AOPEP: variants seen among roughly 807,000 people sequenced by gnomAD.
AOPEP encodes the protein aminopeptidase O (putative).
Under a neutral mutation model 98.1 loss-of-function variants are expected in AOPEP, and 77 were observed. That is an observed-to-expected ratio of 0.78 (90% CI 0.65 to 0.95). AOPEP has a LOEUF of 0.95. Among genes scored for constraint, AOPEP ranks in the 40% least tolerant of loss-of-function variants. AOPEP has a pLI of 0.00. For missense variants in AOPEP, 1,024 were observed against 1,024.7 expected, an observed-to-expected ratio of 1.00 and a Z score of 0.01; for synonymous variants, 346 against 365.3, an observed-to-expected ratio of 0.95 and a Z score of 0.60.
chr9:94,955,330 A>G, intron 8 of AOPEP, 51 bp downstream of exon 8: 1 of 1,120,866 alleles, frequency 8.9e-7, no homozygotes, highest in Non-Finnish European at 1.3e-6. Flanking sequence ...AGCACTTTTT[A>G]GGCCACACAA....
chr9:94,859,424 CAT>C (rs1469490401), intron 5 of AOPEP, among the ~76,000 whole-genome samples: 9 of 152,202 alleles, frequency 5.9e-5, no homozygotes, highest in African/African-American at 1.9e-4. Flanking sequence ...CTTACAAGGA[CAT>C]GTGTGATTGC....
chr9:95,100,018 C>A, the AOPEP span: 1 of 232,374 alleles, frequency 4.3e-6, no homozygotes, highest in South Asian at 1.8e-4. Flanking sequence ...TCTAGGGGTT[C>A]CCTGCTGCCA....
chr9:95,025,241 G>T (rs2063752135), intron 13 of AOPEP, among the ~76,000 whole-genome samples: 1 of 152,138 alleles, frequency 6.6e-6, no homozygotes, highest in African/African-American at 2.4e-5. Context: ...AGAAATTCTG[G>T]CTTGTCCTTG....
intron 13 of AOPEP, among the ~76,000 whole-genome samples, chr9:95,051,966 G>C (rs56020612): frequency 0.17 from 25,487 of 152,092 alleles, 2,875 homozygotes; most frequent in Non-Finnish European, 0.25. Flanking sequence ...GCCTCCCAAA[G>C]TGCTGGGATT....
At chr9:94,815,979 G>A (rs937656706) in intron 5 of AOPEP, among the ~76,000 whole-genome samples, 12 of 152,188 alleles carry the variant, frequency 7.9e-5, no homozygotes, top group African/African-American at 2.4e-4. Context: ...GGCTTATAAA[G>A]TGTGTCCCTA....
the AOPEP span, among the ~76,000 whole-genome samples, chr9:95,112,973 C>T: frequency 6.6e-6 from 1 of 152,196 alleles, no homozygotes; most frequent in African/African-American, 2.4e-5. Flanking sequence ...GAGAAAAACA[C>T]CCAGGGCACC....
chr9:95,004,743 G>A (rs2061814857), intron 11 of AOPEP, among the ~76,000 whole-genome samples: 2 of 145,572 alleles, frequency 1.4e-5, no homozygotes, highest in Admixed American at 6.7e-5. Context: ...GCGGGGGCGC[G>A]GGGCGGCCGG....
At chr9:94,867,799 T>A (rs920082889) in intron 5 of AOPEP, among the ~76,000 whole-genome samples, 1 of 152,202 alleles carries the variant, frequency 6.6e-6, no homozygotes, top group African/African-American at 2.4e-5. Flanking sequence ...GGAACATTTC[T>A]TGGTGAATAA....
At chr9:95,090,026 A>G (rs553966631), downstream of AOPEP, among the ~76,000 whole-genome samples, 243 of 152,278 alleles carry the variant, frequency 1.6e-3, 1 homozygote, top group African/African-American at 5.7e-3. Context: ...CTCTAAAATG[A>G]CTTGCAGATG....
At chr9:95,106,744 G>A in the AOPEP span, among the ~76,000 whole-genome samples, 1 of 152,234 alleles carries the variant, frequency 6.6e-6, no homozygotes, top group African/African-American at 2.4e-5. Context: ...TGAGGAGGAG[G>A]AGAGCAGCAC....
At chr9:95,074,007 G>A (rs946415443) in intron 14 of AOPEP, among the ~76,000 whole-genome samples, 3 of 152,286 alleles carry the variant, frequency 2.0e-5, no homozygotes, top group South Asian at 2.1e-4. Context: ...ATATGCATAC[G>A]TGTTTGTACT....
chr9:95,128,112 G>A, the AOPEP span, among the ~76,000 whole-genome samples: 6 of 152,124 alleles, frequency 3.9e-5, no homozygotes, highest in African/African-American at 1.4e-4. Flanking sequence ...TTCGAACTTA[G>A]GCATGTCAGT....
At chr9:94,984,190 G>T (rs1162229234) in intron 11 of AOPEP, among the ~76,000 whole-genome samples, 1 of 151,902 alleles carries the variant, frequency 6.6e-6, no homozygotes, top group East Asian at 1.9e-4. Context: ...CCGCCACCAC[G>T]CCTGGCTAAT....
At chr9:95,142,770 C>T in the AOPEP span, among the ~76,000 whole-genome samples, 2 of 152,200 alleles carry the variant, frequency 1.3e-5, no homozygotes, top group Non-Finnish European at 2.9e-5. Context: ...CCCCGAGCTG[C>T]GAGTGTTAGA....
Position 95,086,769 on chromosome 9 carries a change from A to G in AOPEP, c.*92A>G. 1.0e-6 allele frequency: 1 copy of G among 988,056 alleles called. No individual in the cohort carries two copies. The highest frequency in any genetic ancestry group is 1.2e-6 in the Non-Finnish European group (1 of 830,150). The allele number at this position is 988,056 out of a possible 1,614,324, so 61.2% of individuals were successfully genotyped here. On this transcript the variant is annotated 3_prime_UTR_variant, in exon 17 of 17. Coordinates refer to ENST00000375315, the MANE Select transcript of AOPEP (RefSeq NM_001193329.3). Reference sequence around the variant, plus strand: ...GACCCTGGACATCAAAGGAGGGATTATGTGGCTGCTAAAGCCATCGGCCCA... The same window carrying G: ...GACCCTGGACATCAAAGGAGGGATTGTGTGGCTGCTAAAGCCATCGGCCCA...
intron 7 of AOPEP, among the ~76,000 whole-genome samples, chr9:94,946,006 C>A (rs950668263): frequency 6.6e-6 from 1 of 152,124 alleles, no homozygotes; most frequent in African/African-American, 2.4e-5. Flanking sequence ...TATGAGGAGA[C>A]CTGTCTCAGC....
At chr9:95,076,737 G>A (rs1587933640) in intron 14 of AOPEP, among the ~76,000 whole-genome samples, 1 of 152,158 alleles carries the variant, frequency 6.6e-6, no homozygotes, top group African/African-American at 2.4e-5. Flanking sequence ...GCAGTCTCTG[G>A]GCATAGGGAT....
At chr9:94,866,029 A>C (rs1039269066) in intron 5 of AOPEP, among the ~76,000 whole-genome samples, 1 of 152,242 alleles carries the variant, frequency 6.6e-6, no homozygotes, top group African/African-American at 2.4e-5. Flanking sequence ...AAAATTAGAA[A>C]CTATTAATTT....
chr9:94,943,593 CAAAT>C (rs1157059728), intron 7 of AOPEP, among the ~76,000 whole-genome samples: 2 of 137,538 alleles, frequency 1.5e-5, no homozygotes, highest in Non-Finnish European at 3.1e-5. Context: ...GACTCCATCT[CAAAT>C]AAAAAAAAAA....
Sources: allele counts gnomAD v4.1 joint callset (sites outside exome capture counted in the v4.1 genomes callset), GRCh38; gene constraint gnomAD v4.1.1; transcripts MANE v1.5; gene names NCBI Gene and HGNC (gene_info 2026-07-23, HGNC 2026-07-21).